Variants in PHF24 observed in about 807,000 individuals in gnomAD.
The protein encoded by PHF24 is Galpha inhibitory interacting protein.
Under a neutral mutation model 42.6 loss-of-function variants are expected in PHF24, and 25 were observed. That is an observed-to-expected ratio of 0.59 (90% CI 0.43 to 0.82). The LOEUF (loss-of-function observed/expected upper bound fraction) is 0.82. Among genes scored for constraint, PHF24 ranks in the 40% least tolerant of loss-of-function variants. The pLI is 0.00. For synonymous variants in PHF24, 185 were observed against 204.8 expected, an observed-to-expected ratio of 0.90 and a Z score of 0.83; for missense variants, 470 against 538.1, an observed-to-expected ratio of 0.87 and a Z score of 1.25.
chr9:34,677,558 GGC>G, the PHF24 span, among the ~76,000 whole-genome samples: 1 of 151,790 alleles, frequency 6.6e-6, no homozygotes, highest in Non-Finnish European at 1.5e-5. Flanking sequence ...CACCACGCCT[GGC>G]TAATTTTTTG....
At chr9:34,936,861 C>T in the PHF24 span, among the ~76,000 whole-genome samples, 2 of 148,918 alleles carry the variant, frequency 1.3e-5, no homozygotes, top group Non-Finnish European at 3.0e-5. Context: ...AGTGAGGAGC[C>T]CCTCCGCCCG....
chr9:34,782,492 G>T, the PHF24 span, among the ~76,000 whole-genome samples: 1 of 152,148 alleles, frequency 6.6e-6, no homozygotes, highest in East Asian at 1.9e-4. Context: ...AGGTCACAGA[G>T]ATATTTGAAT....
At chr9:34,884,226 G>A in the PHF24 span, among the ~76,000 whole-genome samples, 1 of 152,138 alleles carries the variant, frequency 6.6e-6, no homozygotes, top group African/African-American at 2.4e-5. Flanking sequence ...GGAGTTGGGG[G>A]AGTGGGGAGG....
chr9:34,899,403 C>T, the PHF24 span, among the ~76,000 whole-genome samples: 2 of 152,210 alleles, frequency 1.3e-5, no homozygotes, highest in South Asian at 2.1e-4. Flanking sequence ...TGAGTCCTAT[C>T]GCCTTGTAAA....
chr9:34,741,581 C>T, the PHF24 span, among the ~76,000 whole-genome samples: 3 of 150,406 alleles, frequency 2.0e-5, no homozygotes, highest in Non-Finnish European at 3.0e-5. Flanking sequence ...AGGCTGGCCT[C>T]GAACTCCCGA....
At chr9:34,714,336 GA>G in the PHF24 span, among the ~76,000 whole-genome samples, 45,298 of 152,026 alleles carry the variant, frequency 0.3, 7,032 homozygotes, top group Admixed American at 0.35. Flanking sequence ...GAGTGACTAA[GA>G]AAGTAGTGAG....
chr9:34,828,467 C>T, the PHF24 span, among the ~76,000 whole-genome samples: 3 of 152,266 alleles, frequency 2.0e-5, no homozygotes, highest in South Asian at 6.2e-4. Context: ...ATCCCATGTT[C>T]TCTTTCTGCT....
chr9:34,674,763 G>A, the PHF24 span, among the ~76,000 whole-genome samples: 1 of 152,254 alleles, frequency 6.6e-6, no homozygotes, highest in African/African-American at 2.4e-5. Flanking sequence ...GTGATTGGCT[G>A]TGTGATTGAT....
chr9:34,938,918 C>CA, the PHF24 span, among the ~76,000 whole-genome samples: 1 of 114,020 alleles, frequency 8.8e-6, no homozygotes, highest in African/African-American at 3.5e-5. Flanking sequence ...GCCTGGGCGA[C>CA]AGAGCGAGAC....
the PHF24 span, among the ~76,000 whole-genome samples, chr9:34,881,830 G>T: frequency 1.3e-5 from 2 of 152,262 alleles, no homozygotes; most frequent in African/African-American, 4.8e-5. Flanking sequence ...CCAATCAATA[G>T]AAAAAGAGGG....
the PHF24 span, among the ~76,000 whole-genome samples, chr9:34,762,814 G>A: frequency 6.1e-4 from 93 of 152,078 alleles, no homozygotes; most frequent in Non-Finnish European, 1.1e-3. Context: ...TTTCTTCTAG[G>A]GTTTTTATGG....
At chr9:34,899,061 A>G in the PHF24 span, among the ~76,000 whole-genome samples, 1 of 152,194 alleles carries the variant, frequency 6.6e-6, no homozygotes, top group South Asian at 2.1e-4. Context: ...TTGTGTGGAC[A>G]GGACAGTGGG....
chr9:34,784,758 G>A, the PHF24 span, among the ~76,000 whole-genome samples: 27 of 152,150 alleles, frequency 1.8e-4, no homozygotes, highest in African/African-American at 6.3e-4. Flanking sequence ...TATCCTCCTT[G>A]TAAGACATAT....
the PHF24 span, among the ~76,000 whole-genome samples, chr9:34,882,354 T>G: frequency 2.6e-5 from 4 of 152,136 alleles, no homozygotes; most frequent in Admixed American, 6.6e-5. Context: ...TGTTGGAAGT[T>G]CTGGCCAGGG....
rs1014449667 is a variant in PHF24, at chr9:34,976,757, G to A, written c.849+17G>A. On this transcript the variant is annotated intron_variant, in intron 5 of 7. Coordinates refer to ENST00000242315, the Ensembl canonical transcript of PHF24. ...CGTCCCCAGGTGAGGGCCAGTTGGG[G>A]CAAATGTTCCTGGGATACTGGGTGA... 8.1e-6 allele frequency: 13 copies of A among 1,605,614 alleles called. No individual in the cohort carries two copies. The highest frequency in any genetic ancestry group is 1.3e-5 in the African/African-American group (1 of 74,866).
chr9:34,964,519 T>G (rs1826701445), intron 1 of PHF24, among the ~76,000 whole-genome samples: 1 of 152,210 alleles, frequency 6.6e-6, no homozygotes, highest in South Asian at 2.1e-4. Context: ...TTATACAGAG[T>G]GCTGGGAAAT....
the PHF24 span, among the ~76,000 whole-genome samples, chr9:34,840,101 CA>C: frequency 1.3e-5 from 2 of 152,072 alleles, no homozygotes; most frequent in Non-Finnish European, 2.9e-5. Flanking sequence ...ATTGGAGGAG[CA>C]GGGGTGAGGC....
chr9:34,931,076 C>T, the PHF24 span, among the ~76,000 whole-genome samples: 77 of 152,164 alleles, frequency 5.1e-4, 1 homozygote, highest in East Asian at 0.013. Flanking sequence ...GTGTGTGGCA[C>T]CATAAGAATG....
the PHF24 span, among the ~76,000 whole-genome samples, chr9:34,950,883 A>T: frequency 2.6e-5 from 4 of 152,160 alleles, no homozygotes. Context: ...AATAAAACAA[A>T]AGCTGATTCT....
Sources: allele counts gnomAD v4.1 joint callset (sites outside exome capture counted in the v4.1 genomes callset), GRCh38; gene constraint gnomAD v4.1.1; transcripts MANE v1.5; gene names NCBI Gene and HGNC (gene_info 2026-07-23, HGNC 2026-07-21).